The following AQR variants were observed in gnomAD, a reference collection of about 807,000 sequenced individuals.
The protein encoded by AQR is aquarius intron-binding spliceosomal factor.
AQR carries 61 observed loss-of-function variants against 180.5 expected under a neutral mutation model. The observed-to-expected ratio is 0.34, with a 90% CI of 0.28 to 0.42. The LOEUF (loss-of-function observed/expected upper bound fraction) is 0.42. AQR is among the 10% of genes least tolerant of loss of function. The pLI is 1.00. For synonymous variants in AQR, 551 were observed against 588.8 expected, an observed-to-expected ratio of 0.94 and a Z score of 0.93; for missense variants, 1,281 against 1,798.3, an observed-to-expected ratio of 0.71 and a Z score of 5.20.
intron 24 of AQR, 65 bp downstream of exon 24, chr15:34,890,150 A>G: frequency 7.2e-7 from 1 of 1,390,542 alleles, no homozygotes; most frequent in Non-Finnish European, 9.9e-7. Flanking sequence ...TTCTTCTTTA[A>G]TAAAAGAAAT....
rs769992968 is a variant in AQR at position 34,964,264 on chromosome 15, G to A, written c.102C>T (p.His34=). The A allele has an allele frequency of 6.2e-7, 1 of 1,608,502 alleles. No homozygotes were observed. Among genetic ancestry groups the A allele is most frequent in the South Asian group, 1.1e-5 (1 of 90,326 alleles). The change falls in exon 2 of 35, where the codon CAC becomes CAT. Residue 34 remains histidine, a synonymous_variant. Coordinates refer to ENST00000156471, the MANE Select transcript of AQR (RefSeq NM_014691.3). ...TQLACKYWAP[H]IKKKSPFDIK... ...TATCAAAAGGTGATTTCTTCTTGAT[G>A]TGGGGAGCCCAGTATTTACATGCTA...
chr15:34,968,851 AG>A (rs1438501526), intron 1 of AQR, among the ~76,000 whole-genome samples: 6 of 152,216 alleles, frequency 3.9e-5, no homozygotes, highest in African/African-American at 1.4e-4. Flanking sequence ...TGTTGAGACA[AG>A]GAATAAAGAA....
intron 1 of AQR, among the ~76,000 whole-genome samples, chr15:34,966,056 C>T (rs2050308576): frequency 6.6e-6 from 1 of 152,028 alleles, no homozygotes; most frequent in Admixed American, 6.6e-5. Context: ...TACACATTGC[C>T]CTCCCTCAAA....
chr15:34,875,982 C>A lies in AQR; in HGVS notation c.3190G>T (p.Ala1064Ser). ...GTTTCTATCTCCAGAATCTGAGCAG[C>A]CTCTTCCATCAAAATGTTGTCATAC... ...FKYDNILMEE[A>S]AQILEIETFI... The change falls in exon 28 of 35, where the codon GCT becomes TCT. Residue 1064 changes from alanine (A) to serine (S), a missense_variant. Ala to Ser is a moderately conservative substitution (Grantham distance 99). This residue lies in a region of AQR where 2 missense variants were observed against 23.6 expected (regional missense o/e 0.08). Coordinates refer to ENST00000156471, the MANE Select transcript of AQR (RefSeq NM_014691.3). The A allele has an allele frequency of 6.2e-7, 1 of 1,611,662 alleles. No homozygotes were observed. Among genetic ancestry groups the A allele is most frequent in the Non-Finnish European group, 8.5e-7 (1 of 1,178,650 alleles).
intron 23 of AQR, 44 bp downstream of exon 23, chr15:34,893,618 CA>C: frequency 7.2e-7 from 1 of 1,380,338 alleles, no homozygotes; most frequent in Non-Finnish European, 9.9e-7. Flanking sequence ...CACACACACA[CA>C]CACACACACA....
chr15:34,943,134 C>A lies in AQR; in HGVS notation c.472-1054G>T, dbSNP rs747073151. ...TTTCTGTAAGAAGTGTGGCAAGCAC[C>A]AACCCCATAAAGTGACACAGTACAA... On this transcript the variant is annotated intron_variant, in intron 6 of 34. Coordinates refer to ENST00000156471, the MANE Select transcript of AQR (RefSeq NM_014691.3). 4.3e-6 allele frequency: 7 copies of A among 1,611,540 alleles called. No homozygotes were observed. The South Asian group carries it at 7.7e-5, about 18-fold the overall frequency.
intron 6 of AQR, chr15:34,943,477 AAAT>A (rs397837679): frequency 3.4e-5 from 17 of 503,270 alleles, no homozygotes; most frequent in African/African-American, 2.4e-4. Flanking sequence ...ATAAATAAAT[AAAT>A]AAAAATAAAT....
intron 13 of AQR, 26 bp from the exon 14 acceptor site, chr15:34,920,460 T>C (rs754632543): frequency 2.6e-6 from 4 of 1,527,990 alleles, no homozygotes; most frequent in Non-Finnish European, 3.6e-6. Context: ...CAATATTTTA[T>C]TCATAGTAAC....
At chr15:34,874,396 A>G (rs1892863526) in intron 29 of AQR, 3 of 389,318 alleles carry the variant, frequency 7.7e-6, no homozygotes, top group African/African-American at 2.1e-5. Context: ...TATTAACTGT[A>G]TATCTTTTGG....
At position 34,914,317 on chromosome 15, in the gene AQR, T is replaced by C. The variant is rs572871782; in HGVS notation, c.1484+721A>G. Among the ~76,000 whole-genome samples, 5 of 152,304 alleles carry C rather than the reference T, an allele frequency of 3.3e-5. No homozygotes were observed. The South Asian group carries it at 1.0e-3, about 32-fold the overall frequency. On this transcript the variant is annotated intron_variant, in intron 16 of 34. Coordinates refer to ENST00000156471, the MANE Select transcript of AQR (RefSeq NM_014691.3). Reference sequence around the variant, plus strand: ...CCATATCTATAAAACCAAATTAACCTTACAAATTCTTGTAATGCAGAGCTG... The same window carrying C: ...CCATATCTATAAAACCAAATTAACCCTACAAATTCTTGTAATGCAGAGCTG...
intron 24 of AQR, 147 bp from the exon 25 acceptor site, chr15:34,886,808 C>A: frequency 2.4e-6 from 2 of 846,222 alleles, no homozygotes; most frequent in South Asian, 2.0e-5. Flanking sequence ...GGTGGTAGTT[C>A]TTGGGTTACT....
chr15:34,897,787 C>T lies in AQR; in HGVS notation c.2244-82G>A, dbSNP rs748848987. ...TATCTGGTGCATGACATTGTATGCA[C>T]GATAATCAGAGGAGTAAGAAACATT... On this transcript the variant is annotated intron_variant, in intron 20 of 34. Coordinates refer to ENST00000156471, the MANE Select transcript of AQR (RefSeq NM_014691.3). The T allele has an allele frequency of 1.6e-5, 23 of 1,430,498 alleles. 1 individual carries two copies. Among genetic ancestry groups the T allele is most frequent in the South Asian group, 2.5e-5 (2 of 80,188 alleles). The allele number at this position is 1,430,498 out of a possible 1,614,324, so 88.6% of individuals were successfully genotyped here.
At chr15:34,966,628 T>G (rs1170145179) in intron 1 of AQR, among the ~76,000 whole-genome samples, 5 of 152,206 alleles carry the variant, frequency 3.3e-5, no homozygotes, top group African/African-American at 7.2e-5. Flanking sequence ...TTATTCCCCA[T>G]GTACTCCCAG....
chr15:34,934,384 TTAA>T (rs1022369597), intron 10 of AQR, among the ~76,000 whole-genome samples, 184 bp downstream of exon 10: 6 of 148,574 alleles, frequency 4.0e-5, no homozygotes, highest in African/African-American at 1.5e-4. Flanking sequence ...TATATTTTAA[TTAA>T]TGAGAGAAAG....
At chr15:34,901,087 A>C (rs1403123556) in intron 19 of AQR, among the ~76,000 whole-genome samples, 1 of 152,214 alleles carries the variant, frequency 6.6e-6, no homozygotes, top group African/African-American at 2.4e-5. Flanking sequence ...TAGCAAGAAC[A>C]GTTTATCCGT....
chr15:34,966,308 G>A (rs2050309451), intron 1 of AQR, among the ~76,000 whole-genome samples: 1 of 152,104 alleles, frequency 6.6e-6, no homozygotes, highest in African/African-American at 2.4e-5. Context: ...TATGCCAGAT[G>A]CTCAGAAATT....
At chr15:34,860,181 A>G (rs959709116) in intron 33 of AQR, 26 bp from the exon 34 acceptor site, 1 of 1,304,576 alleles carries the variant, frequency 7.7e-7, no homozygotes. Context: ...AAGAACGTTA[A>G]GTATCTAGTA....
At chr15:34,953,206 C>G (rs964410874) in intron 3 of AQR, among the ~76,000 whole-genome samples, 3 of 152,134 alleles carry the variant, frequency 2.0e-5, no homozygotes, top group Admixed American at 1.3e-4. Flanking sequence ...TCACTTGCTT[C>G]TTAGTGTTGA....
intron 33 of AQR, among the ~76,000 whole-genome samples, chr15:34,862,003 G>A (rs1040958195): frequency 3.3e-5 from 5 of 151,814 alleles, no homozygotes; most frequent in Non-Finnish European, 7.4e-5. Context: ...TAACCTGAAG[G>A]AAAATAATAT....
Sources: allele counts gnomAD v4.1 joint callset (sites outside exome capture counted in the v4.1 genomes callset), GRCh38; gene constraint gnomAD v4.1.1; regional missense constraint gnomAD v4.1.1; transcripts MANE v1.5; gene names NCBI Gene and HGNC (gene_info 2026-07-23, HGNC 2026-07-21).